The following ANXA8 variants were observed in gnomAD, a reference collection of about 807,000 sequenced individuals.
ANXA8 encodes annexin A8.
ANXA8 carries 9 observed loss-of-function variants against 26.8 expected under a neutral mutation model. The observed-to-expected ratio is 0.34, with a 90% CI of 0.20 to 0.59. The LOEUF is 0.59. ANXA8 is among the 20% of genes least tolerant of loss of function. ANXA8 has a pLI of 0.84. For missense variants in ANXA8, 83 were observed against 238.5 expected, an observed-to-expected ratio of 0.35 and a Z score of 4.29; for synonymous variants, 39 against 94.8, an observed-to-expected ratio of 0.41 and a Z score of 3.42.
the ANXA8 span, among the ~76,000 whole-genome samples, chr10:47,980,253 A>T: frequency 4.6e-5 from 7 of 151,644 alleles, no homozygotes; most frequent in African/African-American, 9.7e-5. Flanking sequence ...AACATATCAA[A>T]GTGTATGGGA....
the ANXA8 span, among the ~76,000 whole-genome samples, chr10:47,975,209 G>A: frequency 2.7e-5 from 4 of 149,450 alleles, 1 homozygote; most frequent in Non-Finnish European, 6.0e-5. Flanking sequence ...CAATAGATTG[G>A]TGGTGGCTGC....
the ANXA8 span, among the ~76,000 whole-genome samples, chr10:47,617,454 TA>T: frequency 4.8e-5 from 7 of 144,918 alleles, no homozygotes; most frequent in African/African-American, 1.9e-4. Flanking sequence ...CACTGAAAGA[TA>T]TTCCCAAATG....
At chr10:47,626,379 C>T in the ANXA8 span, among the ~76,000 whole-genome samples, 1 of 150,250 alleles carries the variant, frequency 6.7e-6, no homozygotes, top group Non-Finnish European at 1.5e-5. Flanking sequence ...TATCTGTGAA[C>T]TACCTAATGT....
At chr10:47,617,678 A>T in the ANXA8 span, among the ~76,000 whole-genome samples, 4 of 148,634 alleles carry the variant, frequency 2.7e-5, no homozygotes, top group African/African-American at 7.8e-5. Context: ...CCAGCAAAAA[A>T]CCCATTAAGA....
At chr10:47,982,835 A>ATATATATATAT in the ANXA8 span, among the ~76,000 whole-genome samples, 5 of 12,792 alleles carry the variant, frequency 3.9e-4, no homozygotes, top group African/African-American at 7.6e-4. Context: ...TATATATATA[A>ATATATATATAT]AATTTGATAA....
chr10:47,770,600 TG>T, the ANXA8 span, among the ~76,000 whole-genome samples: 1 of 150,000 alleles, frequency 6.7e-6, no homozygotes, highest in Non-Finnish European at 1.5e-5. Context: ...TTGATTCCTT[TG>T]GTGAGACTAG....
the ANXA8 span, among the ~76,000 whole-genome samples, chr10:47,510,931 A>ATTTATTT: frequency 7.7e-6 from 1 of 129,852 alleles, no homozygotes; most frequent in African/African-American, 2.9e-5. Flanking sequence ...TTAATTAATT[A>ATTTATTT]ATTAATTTAT....
the ANXA8 span, among the ~76,000 whole-genome samples, chr10:47,944,933 C>T: frequency 6.8e-6 from 1 of 148,144 alleles, no homozygotes; most frequent in African/African-American, 2.5e-5. Context: ...CATCTCGCTT[C>T]ATGTGACTTC....
the ANXA8 span, among the ~76,000 whole-genome samples, chr10:47,560,276 T>G: frequency 4.6e-5 from 7 of 151,890 alleles, no homozygotes; most frequent in Non-Finnish European, 1.0e-4. Flanking sequence ...TTTTTAAGTT[T>G]CTAAGTTAAA....
chr10:47,753,081 C>T, the ANXA8 span: 1 of 922,524 alleles, frequency 1.1e-6, no homozygotes, highest in East Asian at 1.2e-4. Flanking sequence ...GCACTCCAGC[C>T]TGGGTGACAA....
At chr10:47,959,002 G>A in the ANXA8 span, among the ~76,000 whole-genome samples, 1 of 150,164 alleles carries the variant, frequency 6.7e-6, no homozygotes, top group East Asian at 2.0e-4. Context: ...ATGTTATCCT[G>A]TCAGAACTCA....
the ANXA8 span, among the ~76,000 whole-genome samples, chr10:47,991,516 G>T: frequency 6.7e-6 from 1 of 148,948 alleles, no homozygotes; most frequent in Admixed American, 6.7e-5. Context: ...GCCTGGGGCT[G>T]TTTCTTCTCG....
chr10:47,552,811 T>C, the ANXA8 span, among the ~76,000 whole-genome samples: 1 of 151,900 alleles, frequency 6.6e-6, no homozygotes, highest in Non-Finnish European at 1.5e-5. Flanking sequence ...TAAATGTTTG[T>C]GTCTGTCTAT....
At chr10:47,630,672 TAC>T in the ANXA8 span, among the ~76,000 whole-genome samples, 1 of 144,780 alleles carries the variant, frequency 6.9e-6, no homozygotes, top group Non-Finnish European at 1.5e-5. Flanking sequence ...TTGCAAAAAT[TAC>T]AATTGTAAAC....
At chr10:47,483,134 C>CA (rs1839895502) in intron 1 of ANXA8, among the ~76,000 whole-genome samples, 1 of 151,606 alleles carries the variant, frequency 6.6e-6, no homozygotes, top group African/African-American at 2.4e-5. Context: ...GGAAAGCTCC[C>CA]GAGAACCCAT....
At chr10:47,581,751 C>T in the ANXA8 span, among the ~76,000 whole-genome samples, 23 of 147,854 alleles carry the variant, frequency 1.6e-4, no homozygotes, top group Admixed American at 6.8e-4. Flanking sequence ...GAACTACAGG[C>T]GCCTGCCACC....
At chr10:47,590,749 A>C in the ANXA8 span, among the ~76,000 whole-genome samples, 1 of 143,948 alleles carries the variant, frequency 6.9e-6, no homozygotes, top group Non-Finnish European at 1.5e-5. Flanking sequence ...TAGACAGAGG[A>C]ACTGAAACCC....
chr10:47,704,211 G>A, the ANXA8 span, among the ~76,000 whole-genome samples: 1 of 143,510 alleles, frequency 7.0e-6, no homozygotes, highest in Admixed American at 7.1e-5. Flanking sequence ...TATGTGAGAT[G>A]CCCACATTAG....
the ANXA8 span, chr10:47,715,802 A>G: frequency 6.6e-7 from 1 of 1,507,336 alleles, no homozygotes. Flanking sequence ...AAAAAAGTGC[A>G]CCCTCCTTTG....
Sources: allele counts gnomAD v4.1 joint callset (sites outside exome capture counted in the v4.1 genomes callset), GRCh38; gene constraint gnomAD v4.1.1; transcripts MANE v1.5; gene names NCBI Gene and HGNC (gene_info 2026-07-23, HGNC 2026-07-21).